RFX4: variants seen among roughly 807,000 people sequenced by gnomAD.
RFX4 encodes the protein regulatory factor X4.
A neutral mutation model predicts 95.0 loss-of-function variants in RFX4; 10 were observed. That is an observed-to-expected ratio of 0.11 (90% confidence interval 0.06 to 0.18). The LOEUF is 0.18. RFX4 is among the 10% of genes least tolerant of loss of function. The pLI, the probability that RFX4 is intolerant of heterozygous loss-of-function variation, is 1.00. For missense variants in RFX4, 640 were observed against 922.0 expected, an observed-to-expected ratio of 0.69 and a Z score of 3.96; for synonymous variants, 321 against 340.7, an observed-to-expected ratio of 0.94 and a Z score of 0.64.
intron 1 of RFX4, among the ~76,000 whole-genome samples, chr12:106,597,482 A>G (rs563057010): frequency 6.6e-6 from 1 of 152,346 alleles, no homozygotes; most frequent in East Asian, 1.9e-4. Flanking sequence ...GCTAAGACAT[A>G]CAATGCTTAA....
chr12:106,634,049 T>G (rs1032160332), intron 2 of RFX4, among the ~76,000 whole-genome samples: 16 of 151,906 alleles, frequency 1.1e-4, no homozygotes, highest in East Asian at 3.9e-4. Context: ...TGCTTGTGTG[T>G]GAAAGAACCC....
chr12:106,702,470 T>C lies in RFX4; in HGVS notation c.833+6024T>C, dbSNP rs189189462. Among the ~76,000 whole-genome samples the C allele has an allele frequency of 6.6e-4, 101 of 152,332 alleles. 1 individual carries two copies. Among genetic ancestry groups the C allele is most frequent in the Non-Finnish European group, 1.2e-3 (82 of 68,032 alleles). Reference sequence around the variant, plus strand: ...TAAGTTGGAGATTTGTTGGGTTGTTTCCCTTAATGTGCCTACTCCTTTACC... The same window carrying C: ...TAAGTTGGAGATTTGTTGGGTTGTTCCCCTTAATGTGCCTACTCCTTTACC... On this transcript the variant is annotated intron_variant, in intron 8 of 17. Transcript: ENST00000392842.
chr12:106,651,082 A>G (rs2040848691), intron 3 of RFX4, among the ~76,000 whole-genome samples: 1 of 152,148 alleles, frequency 6.6e-6, no homozygotes, highest in African/African-American at 2.4e-5. Flanking sequence ...TTTGTGTGGC[A>G]TTTAAAGACT....
At chr12:106,681,480 G>A (rs1392130901) in intron 4 of RFX4, among the ~76,000 whole-genome samples, 1 of 152,222 alleles carries the variant, frequency 6.6e-6, no homozygotes, top group Non-Finnish European at 1.5e-5. Flanking sequence ...AGAGCTGAGT[G>A]AAATTCCACT....
intron 8 of RFX4, among the ~76,000 whole-genome samples, chr12:106,708,202 G>A (rs1039680409): frequency 2.6e-5 from 4 of 152,218 alleles, no homozygotes; most frequent in Middle Eastern, 3.4e-3. Context: ...AGGGACCGTC[G>A]GTAATGTAGA....
chr12:106,680,904 T>C (rs2041493348), intron 4 of RFX4: 1 of 152,264 alleles, frequency 6.6e-6, no homozygotes, highest in South Asian at 2.1e-4. Flanking sequence ...CTGAGTCATG[T>C]GGATACTAAA....
At chr12:106,737,652 G>C (rs1261879420) in intron 15 of RFX4, among the ~76,000 whole-genome samples, 1 of 152,150 alleles carries the variant, frequency 6.6e-6, no homozygotes, top group Non-Finnish European at 1.5e-5. Flanking sequence ...TAAGAAACTG[G>C]AAGGACTTGC....
At chr12:106,724,404 C>G (rs976624546) in intron 13 of RFX4, among the ~76,000 whole-genome samples, 7 of 152,164 alleles carry the variant, frequency 4.6e-5, no homozygotes, top group Admixed American at 3.9e-4. Flanking sequence ...ACAATTAAGG[C>G]AAATACTCTG....
At chr12:106,728,055 T>A (rs2042538164) in intron 13 of RFX4, among the ~76,000 whole-genome samples, 1 of 152,142 alleles carries the variant, frequency 6.6e-6, no homozygotes, top group Non-Finnish European at 1.5e-5. Flanking sequence ...TAACAAAAAA[T>A]TGGTGGTGAT....
intron 1 of RFX4, 89 bp downstream of exon 1, chr12:106,583,452 A>C: frequency 7.6e-7 from 1 of 1,316,108 alleles, no homozygotes; most frequent in Non-Finnish European, 1.0e-6. Flanking sequence ...GGAAAAGTTC[A>C]GACGGGTCAA....
At chr12:106,633,300 C>T (rs556294792) in intron 2 of RFX4, among the ~76,000 whole-genome samples, 3 of 152,338 alleles carry the variant, frequency 2.0e-5, no homozygotes, top group Non-Finnish European at 2.9e-5. Context: ...TGCTGAGCAC[C>T]TAGTGAGGTC....
At chr12:106,740,437 C>T (rs1157396893) in intron 15 of RFX4, among the ~76,000 whole-genome samples, 1 of 152,126 alleles carries the variant, frequency 6.6e-6, no homozygotes, top group Non-Finnish European at 1.5e-5. Context: ...CCTGCTACTT[C>T]CTTTTCTTTA....
intron 8 of RFX4, among the ~76,000 whole-genome samples, chr12:106,707,352 G>A (rs1009108807): frequency 4.6e-5 from 7 of 152,014 alleles, no homozygotes; most frequent in Admixed American, 2.0e-4. Context: ...TGGGAATTTC[G>A]CAGATTCAGT....
chr12:106,654,057 C>A (rs539302513), intron 3 of RFX4, among the ~76,000 whole-genome samples, 171 bp from the exon 4 acceptor site: 1 of 152,292 alleles, frequency 6.6e-6, no homozygotes, highest in African/African-American at 2.4e-5. Context: ...GCCACTAATG[C>A]CAGGCATGAC....
intron 4 of RFX4, among the ~76,000 whole-genome samples, chr12:106,678,306 T>G (rs1468483939): frequency 1.3e-5 from 2 of 152,222 alleles, no homozygotes; most frequent in Non-Finnish European, 2.9e-5. Flanking sequence ...TGTGTTGCTT[T>G]ATAGATGTTA....
intron 17 of RFX4, 61 bp downstream of exon 17, chr12:106,750,854 A>G: frequency 1.4e-6 from 2 of 1,440,848 alleles, no homozygotes; most frequent in Non-Finnish European, 1.8e-6. Context: ...AAATCTGGTT[A>G]ACACAGTTCA....
intron 4 of RFX4, among the ~76,000 whole-genome samples, chr12:106,679,356 G>A (rs948983138): frequency 2.6e-5 from 4 of 152,126 alleles, no homozygotes; most frequent in Admixed American, 6.6e-5. Flanking sequence ...TTGGTAGGCT[G>A]AGGCAGGAGA....
At chr12:106,715,846 AAT>A (rs1336074918) in intron 11 of RFX4, among the ~76,000 whole-genome samples, 1 of 152,158 alleles carries the variant, frequency 6.6e-6, no homozygotes, top group African/African-American at 2.4e-5. Flanking sequence ...GGTGGCATTA[AAT>A]ATGAGAACAA....
chr12:106,714,767 T>C (rs1266507475), intron 10 of RFX4, among the ~76,000 whole-genome samples: 2 of 152,162 alleles, frequency 1.3e-5, no homozygotes, highest in African/African-American at 4.8e-5. Flanking sequence ...TCACACACTA[T>C]ACACATCCCT....
Sources: gnomAD v4.1 joint callset for allele counts (sites outside exome capture counted in the v4.1 genomes callset) on GRCh38, gnomAD v4.1.1 for gene constraint, MANE v1.5 for transcripts, NCBI Gene and HGNC (gene_info 2026-07-23, HGNC 2026-07-21) for gene names.